Variants in THSD4 observed in about 807,000 individuals in gnomAD.
THSD4 encodes thrombospondin type-1 domain-containing protein 4.
In THSD4, 69 loss-of-function variants were observed where a neutral mutation model predicts 119.0. The ratio of observed to expected loss-of-function variants is 0.58; its 90% CI spans 0.48 to 0.71. The LOEUF (loss-of-function observed/expected upper bound fraction) is 0.71. Ranked by LOEUF, THSD4 falls within the 30% of genes least tolerant of loss-of-function variation. The pLI, the probability that THSD4 is intolerant of heterozygous loss-of-function variation, is 0.00. For synonymous variants in THSD4, 524 were observed against 540.4 expected, an observed-to-expected ratio of 0.97 and a Z score of 0.42; for missense variants, 1,393 against 1,391.1, an observed-to-expected ratio of 1.00 and a Z score of -0.02.
In THSD4 at chr15:71,144,429, C is replaced by T. The variant is rs899299544; in HGVS notation, c.29+2873C>T. On this transcript the variant is annotated intron_variant, in intron 2 of 17. Coordinates refer to ENST00000261862, the MANE Select transcript of THSD4 (RefSeq NM_024817.3). ...GTGGTAGATGAGAAGCACACACAGA[C>T]GCACACACATGTGAAGGGATTTTTA... Among the ~76,000 whole-genome samples, 9 of 152,078 alleles carry T rather than the reference C, an allele frequency of 5.9e-5. 1 individual carries two copies. The highest frequency in any genetic ancestry group is 1.3e-4 in the Non-Finnish European group (9 of 68,024).
At chr15:71,165,101 C>G in intron 3 of THSD4, 1 of 1,611,140 alleles carries the variant, frequency 6.2e-7, no homozygotes, top group South Asian at 1.1e-5. Context: ...ATACTCAGAG[C>G]AGAAGAGGAA....
At chr15:71,537,635 C>T (rs879864994) in intron 7 of THSD4, among the ~76,000 whole-genome samples, 4 of 151,912 alleles carry the variant, frequency 2.6e-5, no homozygotes, top group Admixed American at 2.0e-4. Context: ...CAAAAAGTTC[C>T]GTAATGATAA....
intron 6 of THSD4, among the ~76,000 whole-genome samples, chr15:71,383,004 G>C (rs2046246961): frequency 6.6e-6 from 1 of 152,180 alleles, no homozygotes; most frequent in Non-Finnish European, 1.5e-5. Context: ...TTTGAAACAA[G>C]TTTATCCCAT....
chr15:71,148,446 G>A (rs2040686073), intron 2 of THSD4, among the ~76,000 whole-genome samples: 2 of 152,220 alleles, frequency 1.3e-5, no homozygotes, highest in South Asian at 4.1e-4. Context: ...GTGCCTCTGA[G>A]CCATCTAAGA....
At chr15:71,180,138 A>G (rs1275936877) in intron 3 of THSD4, among the ~76,000 whole-genome samples, 2 of 49,186 alleles carry the variant, frequency 4.1e-5, no homozygotes, top group Non-Finnish European at 1.6e-4. Context: ...AACTTAGAGT[A>G]TAATAAAAAA....
intron 1 of THSD4, among the ~76,000 whole-genome samples, chr15:71,116,577 A>G (rs2141349691): frequency 6.6e-6 from 1 of 152,280 alleles, no homozygotes; most frequent in Admixed American, 6.5e-5. Context: ...CTCCTTTGCG[A>G]TCTCTACCAC....
At chr15:71,395,760 A>G (rs1039614240) in intron 6 of THSD4, among the ~76,000 whole-genome samples, 1 of 151,946 alleles carries the variant, frequency 6.6e-6, no homozygotes, top group African/African-American at 2.4e-5. Context: ...CAAAAAAAAG[A>G]TGGTGCGAGC....
intron 6 of THSD4, among the ~76,000 whole-genome samples, chr15:71,395,952 CAAACACAG>C (rs796938497): frequency 5.4e-5 from 8 of 147,252 alleles, no homozygotes; most frequent in South Asian, 2.2e-4. Flanking sequence ...CACACACACA[CAAACACAG>C]ACTTTGTTGA....
At chr15:71,405,722 G>C (rs1414676451) in intron 6 of THSD4, among the ~76,000 whole-genome samples, 1 of 152,134 alleles carries the variant, frequency 6.6e-6, no homozygotes, top group Non-Finnish European at 1.5e-5. Context: ...TGAATCTGTA[G>C]ATCAATATGG....
chr15:71,466,355 A>G (rs960837528), intron 7 of THSD4, among the ~76,000 whole-genome samples: 2 of 151,918 alleles, frequency 1.3e-5, no homozygotes, highest in African/African-American at 2.4e-5. Context: ...AAAAAAAAAA[A>G]AAAGGAAAAT....
intron 6 of THSD4, among the ~76,000 whole-genome samples, chr15:71,351,183 A>C (rs1566950729): frequency 2.0e-5 from 3 of 152,122 alleles, no homozygotes; most frequent in African/African-American, 7.2e-5. Context: ...GTTGCATGGT[A>C]AATCAATCAC....
intron 3 of THSD4, among the ~76,000 whole-genome samples, chr15:71,203,125 A>C (rs1001474531): frequency 6.6e-6 from 1 of 152,130 alleles, no homozygotes; most frequent in Admixed American, 6.5e-5. Flanking sequence ...AAGAGAGAGC[A>C]TTGGAGCTGA....
At chr15:71,219,347 A>G (rs1270786034) in intron 4 of THSD4, among the ~76,000 whole-genome samples, 2 of 152,206 alleles carry the variant, frequency 1.3e-5, no homozygotes, top group Admixed American at 1.3e-4. Context: ...TGGAGACTCA[A>G]GTTTCCATGG....
intron 7 of THSD4, among the ~76,000 whole-genome samples, chr15:71,531,034 C>T (rs2048602327): frequency 6.6e-6 from 1 of 152,030 alleles, no homozygotes; most frequent in South Asian, 2.1e-4. Flanking sequence ...TATCAGAGAC[C>T]TGAAGGAGTG....
At chr15:71,531,706 A>G (rs980217812) in intron 7 of THSD4, among the ~76,000 whole-genome samples, 2 of 152,240 alleles carry the variant, frequency 1.3e-5, no homozygotes, top group East Asian at 3.8e-4. Context: ...CAGATCAAGC[A>G]CTCATTAAAT....
chr15:71,513,706 TACAG>T (rs1302122574), intron 7 of THSD4, among the ~76,000 whole-genome samples: 2 of 152,160 alleles, frequency 1.3e-5, no homozygotes, highest in Non-Finnish European at 2.9e-5. Flanking sequence ...GAAATCAAAA[TACAG>T]ACACAGAGGA....
intron 7 of THSD4, among the ~76,000 whole-genome samples, chr15:71,542,575 A>ACG (rs1453526409): frequency 6.6e-6 from 1 of 152,040 alleles, no homozygotes; most frequent in East Asian, 1.9e-4. Flanking sequence ...CATGAAAAAA[A>ACG]CGTTAGAAAA....
intron 6 of THSD4, among the ~76,000 whole-genome samples, chr15:71,372,444 C>G (rs1451649058): frequency 1.3e-5 from 2 of 152,202 alleles, no homozygotes; most frequent in African/African-American, 4.8e-5. Flanking sequence ...TGGTGACGTA[C>G]AGATGGGGTT....
At chr15:71,494,015 G>T (rs1281225568) in intron 7 of THSD4, among the ~76,000 whole-genome samples, 2 of 152,192 alleles carry the variant, frequency 1.3e-5, no homozygotes, top group Non-Finnish European at 2.9e-5. Flanking sequence ...CTAGTTTACA[G>T]CGTCGCTTTC....
Sources: gnomAD v4.1 joint callset for allele counts (sites outside exome capture counted in the v4.1 genomes callset) on GRCh38, gnomAD v4.1.1 for gene constraint, MANE v1.5 for transcripts, NCBI Gene and HGNC (gene_info 2026-07-23, HGNC 2026-07-21) for gene names.